The following PCDHGA4 variants were observed in gnomAD, a reference collection of about 807,000 sequenced individuals.
The protein encoded by PCDHGA4 is protocadherin gamma-A4.
Under a neutral mutation model 54.6 loss-of-function variants are expected in PCDHGA4, and 38 were observed. The ratio of observed to expected loss-of-function variants is 0.70; its 90% CI spans 0.54 to 0.91. The LOEUF (loss-of-function observed/expected upper bound fraction) is 0.91. Ranked by LOEUF, PCDHGA4 falls within the 40% of genes least tolerant of loss-of-function variation. The pLI is 0.00. For synonymous variants in PCDHGA4, 511 were observed against 512.9 expected (o/e 1.00, Z 0.05); for missense variants, 1,298 against 1,220.9 (o/e 1.06, Z -0.94).
intron 1 of PCDHGA4, chr5:141,388,629 G>T (rs755930967): frequency 6.2e-7 from 1 of 1,613,942 alleles, no homozygotes. Context: ...CGTATACAGG[G>T]TGAGCCTTTC....
intron 1 of PCDHGA4, chr5:141,412,841 G>C (rs1285924844): frequency 4.9e-6 from 1 of 205,932 alleles, no homozygotes; most frequent in East Asian, 1.1e-4. Flanking sequence ...AAAGATAGGA[G>C]TGGAGAAACC....
In PCDHGA4 at chr5:141,357,161, T is replaced by C; in HGVS notation, c.2054T>C (p.Leu685Pro). 1 of 1,613,630 alleles carries C rather than the reference T, an allele frequency of 6.2e-7. No individual in the cohort carries two copies. The highest frequency in any genetic ancestry group is 2.2e-5 in the East Asian group (1 of 44,876). ...GTCCAGGACCATGGCCAGCCCCCTC[T>C]CTCGGCCACCGTCACACTCACTGTG... The part of the protein sequence containing the change: ...VVVQDHGQPP[L>P]SATVTLTVAV... The change falls in exon 1 of 4, where the codon CTC (leucine) becomes CCC (proline). Residue 685 changes from leucine (L) to proline (P), a missense_variant. Coordinates refer to ENST00000571252, the MANE Select transcript of PCDHGA4 (RefSeq NM_018917.4).
chr5:141,431,776 C>T lies in PCDHGA4; in HGVS notation c.2515-63031C>T. 6.2e-7 allele frequency: 1 copy of T among 1,614,228 alleles called. No individual in the cohort carries two copies. The stretch of plus-strand genomic sequence containing the variant: ...CCAAAGTCCTGATCACTGTTCTGGA[C>T]GTGAACGACAATGCCCCAGAAGTGG... On this transcript the variant is annotated intron_variant, in intron 1 of 3. Coordinates refer to ENST00000571252, the MANE Select transcript of PCDHGA4 (RefSeq NM_018917.4). The surrounding 1 kb of genome is among the most constrained non-coding windows in gnomAD (Gnocchi z 4.8).
At chr5:141,461,989 A>G (rs2099028358) in intron 1 of PCDHGA4, among the ~76,000 whole-genome samples, 1 of 152,074 alleles carries the variant, frequency 6.6e-6, no homozygotes, top group African/African-American at 2.4e-5. Flanking sequence ...ACGCCAGGCT[A>G]ATTTTGTATT....
At chr5:141,371,227 T>C (rs1767587873) in intron 1 of PCDHGA4, 1 of 1,613,932 alleles carries the variant, frequency 6.2e-7, no homozygotes, top group African/African-American at 1.3e-5. Context: ...GCCGAAATCA[T>C]CTATGCCTTC....
intron 2 of PCDHGA4, among the ~76,000 whole-genome samples, chr5:141,495,645 C>T (rs2099762719): frequency 6.6e-6 from 1 of 152,208 alleles, no homozygotes; most frequent in South Asian, 2.1e-4. Context: ...CATTTGTCTA[C>T]TTGCATTGAT....
intron 1 of PCDHGA4, among the ~76,000 whole-genome samples, chr5:141,450,782 C>T (rs1012152203): frequency 2.0e-5 from 3 of 151,350 alleles, no homozygotes; most frequent in East Asian, 1.9e-4. Flanking sequence ...CCACCGTGCC[C>T]GGACCTCATG....
At chr5:141,361,241 T>A in intron 1 of PCDHGA4, 2 of 1,613,960 alleles carry the variant, frequency 1.2e-6, no homozygotes, top group Non-Finnish European at 1.7e-6. Flanking sequence ...ATCGCCTTGA[T>A]AAAAACGAGA....
rs772884830 is a variant in PCDHGA4 at position 141,491,791 on chromosome 5, C to T, written c.2515-3016C>T. ...TAAGGGATTGAACTTGCATCCACTCCTCTCCGGCCGGCTTGGTCGCTGGCT... is the reference window on the plus strand; with the variant it reads ...TAAGGGATTGAACTTGCATCCACTCTTCTCCGGCCGGCTTGGTCGCTGGCT... On this transcript the variant is annotated intron_variant, in intron 1 of 3. Coordinates refer to ENST00000571252, the MANE Select transcript of PCDHGA4 (RefSeq NM_018917.4). This position sits in a 1 kb window ranked among gnomAD's most constrained non-coding sequence, Gnocchi z 6.9. The T allele has an allele frequency of 3.3e-6, 5 of 1,518,376 alleles. No homozygotes were observed. In the African/African-American group the frequency reaches 4.2e-5, roughly 13 times the overall value. The allele number at this position is 1,518,376 out of a possible 1,614,324, so 94.1% of individuals were successfully genotyped here.
chr5:141,362,843 G>A (rs1762701976), intron 1 of PCDHGA4, among the ~76,000 whole-genome samples: 1 of 152,134 alleles, frequency 6.6e-6, no homozygotes, highest in Admixed American at 6.5e-5. Flanking sequence ...GAGACTTTAG[G>A]CAATTAGTTT....
At chr5:141,413,229 C>A in intron 1 of PCDHGA4, 1 of 1,613,914 alleles carries the variant, frequency 6.2e-7, no homozygotes, top group South Asian at 1.1e-5. Context: ...GCGGGCTGGT[C>A]CTGCTCTGCC....
At chr5:141,410,041 G>A (rs763879404) in intron 1 of PCDHGA4, 2 of 1,613,228 alleles carry the variant, frequency 1.2e-6, no homozygotes, top group East Asian at 2.2e-5. Flanking sequence ...AGGCCAGTGA[G>A]CCCGGACTCT....
chr5:141,394,868 C>A, intron 1 of PCDHGA4: 1 of 1,613,828 alleles, frequency 6.2e-7, no homozygotes, highest in Non-Finnish European at 8.5e-7. Flanking sequence ...TCGACCCGAA[C>A]GATTCGAGCC....
At position 141,500,878 on chromosome 5, in the gene PCDHGA4, T is replaced by A. The variant is rs545375199; in HGVS notation, c.2574-4515T>A. On this transcript the variant is annotated intron_variant, in intron 2 of 3. Transcript: ENST00000571252. The stretch of plus-strand genomic sequence containing the variant: ...AGAAAACATACACATTCATTTACAA[T>A]TTTTTTTTTTTGAGACAGTCTCGCT... Among the ~76,000 whole-genome samples, 20 of 92,410 alleles carry A rather than the reference T, an allele frequency of 2.2e-4. 1 individual carries two copies. The East Asian group carries it at 4.8e-3, about 22-fold the overall frequency. The allele number at this position is 92,410 out of a possible 152,430, so 60.6% of individuals were successfully genotyped here.
chr5:141,364,685 G>A (rs1451666874), intron 1 of PCDHGA4: 1 of 1,613,978 alleles, frequency 6.2e-7, no homozygotes, highest in South Asian at 1.1e-5. Flanking sequence ...AATTTATGGA[G>A]TAGAAGTAGA....
chr5:141,403,210 C>G (rs369033480), intron 1 of PCDHGA4: 1 of 1,613,946 alleles, frequency 6.2e-7, no homozygotes, highest in Admixed American at 1.7e-5. Flanking sequence ...CCTTGGTCAC[C>G]GCGGGTAGGA....
rs539072548 is a variant in PCDHGA4 at position 141,421,546 on chromosome 5, A to G, written c.2514+63925A>G. 4.3e-6 allele frequency: 7 copies of G among 1,613,896 alleles called. No homozygotes were observed. The South Asian group carries it at 4.4e-5, about 10-fold the overall frequency. ...GACGGTGTCCTCCTGTTTTTTAAAT[A>G]TGGAACTTCTCGTGGAAGACACCTT... On this transcript the variant is annotated intron_variant, in intron 1 of 3. Transcript: ENST00000571252.
chr5:141,446,251 A>G (rs979768028), intron 1 of PCDHGA4, among the ~76,000 whole-genome samples: 1 of 152,178 alleles, frequency 6.6e-6, no homozygotes, highest in Admixed American at 6.5e-5. Context: ...ATCTTCAGTG[A>G]AATATTATTA....
intron 1 of PCDHGA4, chr5:141,395,290 T>A: frequency 6.5e-7 from 1 of 1,529,840 alleles, no homozygotes; most frequent in Non-Finnish European, 8.8e-7. Flanking sequence ...TTATTTGGCA[T>A]AAATTATGTT....
Sources: gnomAD v4.1 joint callset for allele counts (sites outside exome capture counted in the v4.1 genomes callset) on GRCh38, gnomAD v4.1.1 for gene constraint, Gnocchi (gnomAD v3.1) non-coding constraint, MANE v1.5 for transcripts, NCBI Gene and HGNC (gene_info 2026-07-23, HGNC 2026-07-21) for gene names.